The following ANK2 variants were observed in gnomAD, a reference collection of about 807,000 sequenced individuals.
ANK2 encodes the protein ankyrin 2.
ANK2 carries 83 observed loss-of-function variants against 360.5 expected under a neutral mutation model. That is an observed-to-expected ratio of 0.23 (90% CI 0.19 to 0.28). ANK2 has a LOEUF of 0.28. Among genes scored for constraint, ANK2 ranks in the 10% least tolerant of loss-of-function variants. The probability of loss-of-function intolerance (pLI) is 1.00; values close to 1 mark genes in which losing one functional copy is unlikely to be tolerated. For missense variants in ANK2, 4,201 were observed against 4,795.7 expected (o/e 0.88, Z 3.66); for synonymous variants, 1,740 against 1,759.5 (o/e 0.99, Z 0.28).
intron 26 of ANK2, among the ~76,000 whole-genome samples, chr4:113,327,884 G>A (rs2090829263): frequency 6.6e-6 from 1 of 152,178 alleles, no homozygotes; most frequent in Non-Finnish European, 1.5e-5. Context: ...GAACTATAGA[G>A]CAAGTGAGAA....
chr4:113,099,935 A>G (rs2092524380), intron 1 of ANK2, among the ~76,000 whole-genome samples: 1 of 152,094 alleles, frequency 6.6e-6, no homozygotes, highest in South Asian at 2.1e-4. Flanking sequence ...CAAAAAGTGA[A>G]TCTAGTGGCA....
intron 1 of ANK2, among the ~76,000 whole-genome samples, chr4:112,869,880 A>C (rs933857645): frequency 2.8e-4 from 42 of 151,940 alleles, no homozygotes; most frequent in African/African-American, 9.4e-4. Context: ...ACAGGGTTTC[A>C]ACATGTTTGC....
intron 1 of ANK2, among the ~76,000 whole-genome samples, chr4:112,865,031 C>CAAAA (rs56149739): frequency 1.3e-4 from 7 of 52,504 alleles, no homozygotes; most frequent in Admixed American, 3.0e-4. Flanking sequence ...GACTCCATCT[C>CAAAA]AAAAAAAAAA....
intron 2 of ANK2, among the ~76,000 whole-genome samples, chr4:112,914,966 A>G (rs2089228305): frequency 6.6e-6 from 1 of 152,252 alleles, no homozygotes; most frequent in African/African-American, 2.4e-5. Context: ...GGCTGATATA[A>G]TAGCAAGTGA....
the ANK2 span, among the ~76,000 whole-genome samples, chr4:112,734,231 T>A: frequency 6.6e-6 from 1 of 152,236 alleles, no homozygotes. Flanking sequence ...ATTTTAAGCC[T>A]ACTCACAGTC....
chr4:112,942,805 T>C (rs946697552), intron 2 of ANK2, among the ~76,000 whole-genome samples: 3 of 152,038 alleles, frequency 2.0e-5, no homozygotes, highest in Non-Finnish European at 2.9e-5. Flanking sequence ...TATTTCCTTA[T>C]CTTTTTGTAT....
At chr4:112,938,073 C>G (rs895474018) in intron 2 of ANK2, among the ~76,000 whole-genome samples, 4 of 152,150 alleles carry the variant, frequency 2.6e-5, no homozygotes, top group African/African-American at 9.7e-5. Flanking sequence ...TATTCATAAT[C>G]CCCCAAACCA....
chr4:113,280,365 C>T (rs1020973735), intron 17 of ANK2, among the ~76,000 whole-genome samples: 1 of 152,172 alleles, frequency 6.6e-6, no homozygotes, highest in Non-Finnish European at 1.5e-5. Context: ...TAGGCATGCA[C>T]GTACCGAGTT....
intron 2 of ANK2, among the ~76,000 whole-genome samples, chr4:112,930,202 T>G (rs986956565): frequency 6.6e-6 from 1 of 152,010 alleles, no homozygotes; most frequent in African/African-American, 2.4e-5. Context: ...CCAGCACTTT[T>G]TGGGGGCTGA....
At chr4:113,187,567 C>G (rs1054814719) in intron 2 of ANK2, among the ~76,000 whole-genome samples, 2 of 152,134 alleles carry the variant, frequency 1.3e-5, no homozygotes, top group African/African-American at 4.8e-5. Context: ...AAACTGGGAA[C>G]TTGGAACTTT....
chr4:112,813,855 T>C (rs569632863), upstream of ANK2, among the ~76,000 whole-genome samples: 27 of 152,236 alleles, frequency 1.8e-4, no homozygotes, highest in Non-Finnish European at 3.4e-4. Flanking sequence ...TTAAAAGAAA[T>C]AGGCCTCAAT....
At chr4:113,317,583 C>T in intron 24 of ANK2, 124 bp from the exon 25 acceptor site, 1 of 736,038 alleles carries the variant, frequency 1.4e-6, no homozygotes, top group Admixed American at 2.0e-5. Flanking sequence ...ACTTGTGTCC[C>T]CCTGGAAGTT....
At chr4:112,775,132 A>C in the ANK2 span, among the ~76,000 whole-genome samples, 1 of 152,162 alleles carries the variant, frequency 6.6e-6, no homozygotes, top group Non-Finnish European at 1.5e-5. Flanking sequence ...GAAAGAAAAA[A>C]GAGAGTAGGG....
intron 1 of ANK2, among the ~76,000 whole-genome samples, chr4:113,135,521 CTCTGTGTG>C (rs2096351334): frequency 1.4e-5 from 2 of 148,134 alleles, no homozygotes; most frequent in South Asian, 2.1e-4. Context: ...GTGTGTGTCT[CTCTGTGTG>C]TGTGTGTGTG....
intron 1 of ANK2, among the ~76,000 whole-genome samples, chr4:112,877,411 A>G (rs1374131066): frequency 6.6e-6 from 1 of 152,092 alleles, no homozygotes. Flanking sequence ...GTGCTGTGGT[A>G]TGATTATAGC....
At chr4:113,116,451 C>T (rs1490524914) in intron 1 of ANK2, among the ~76,000 whole-genome samples, 1 of 152,172 alleles carries the variant, frequency 6.6e-6, no homozygotes, top group Non-Finnish European at 1.5e-5. Flanking sequence ...TTCAGCCTCA[C>T]GTGGATCTGT....
rs148022125 is a variant in ANK2 at position 113,033,129 on chromosome 4, G to A, written c.21+128615G>A. 6.8e-3 allele frequency among the ~76,000 whole-genome samples: 1,033 copies of A among 152,076 alleles called. 3 individuals are homozygous for A. The highest frequency in any genetic ancestry group is 0.014 in the Middle Eastern group (4 of 294). On this transcript the variant is annotated intron_variant, in intron 2 of 30. Coordinates refer to the ANK2 transcript ENST00000503271. ...AAAACTACATATTACCTGGCCTTAG[G>A]AACTTGATAAATAGGGACCAAGGAA...
rs376801802 is a variant in ANK2, at chr4:113,129,656, A to G, written c.85-44760A>G. On this transcript the variant is annotated intron_variant, in intron 1 of 45. Transcript: ENST00000357077. ...GATATAACCAAAATACCAGAAAACT[A>G]TTTTGTTCATAGTACCATTTTTCAA... Among the ~76,000 whole-genome samples the G allele has an allele frequency of 6.2e-4, 94 of 152,312 alleles. 1 individual carries two copies. The highest frequency in any genetic ancestry group is 2.0e-3 in the African/African-American group (85 of 41,566).
intron 13 of ANK2, among the ~76,000 whole-genome samples, chr4:113,259,273 T>C (rs1443370228): frequency 6.6e-6 from 1 of 152,210 alleles, no homozygotes; most frequent in Non-Finnish European, 1.5e-5. Context: ...TAGTAGAGTA[T>C]TGAGATTCAC....
Sources: gnomAD v4.1 joint callset for allele counts (sites outside exome capture counted in the v4.1 genomes callset) on GRCh38, gnomAD v4.1.1 for gene constraint, MANE v1.5 for transcripts, NCBI Gene and HGNC (gene_info 2026-07-23, HGNC 2026-07-21) for gene names.